RBFOX2: variants seen among roughly 807,000 people sequenced by gnomAD.
The protein encoded by RBFOX2 is RNA binding protein fox-1 homolog 2.
In RBFOX2, 10 loss-of-function variants were observed where a neutral mutation model predicts 49.1. The ratio of observed to expected loss-of-function variants is 0.20; its 90% CI spans 0.13 to 0.35. The LOEUF (loss-of-function observed/expected upper bound fraction) is 0.35. Among genes scored for constraint, RBFOX2 ranks in the 10% least tolerant of loss-of-function variants. The probability of loss-of-function intolerance (pLI) is 1.00; values close to 1 mark genes in which losing one functional copy is unlikely to be tolerated. For missense variants in RBFOX2, 323 were observed against 486.9 expected (o/e 0.66, Z 3.17); for synonymous variants, 183 against 187.4 (o/e 0.98, Z 0.19).
chr22:35,832,868 C>CT (rs1378907223), intron 1 of RBFOX2, among the ~76,000 whole-genome samples: 1 of 152,018 alleles, frequency 6.6e-6, no homozygotes, highest in Non-Finnish European at 1.5e-5. Context: ...AGAAGAAGTT[C>CT]TAATATTCAA....
intron 1 of RBFOX2, among the ~76,000 whole-genome samples, chr22:35,955,932 T>A (rs1310253172): frequency 6.6e-6 from 1 of 152,224 alleles, no homozygotes; most frequent in Non-Finnish European, 1.5e-5. Context: ...GGTATTTTAA[T>A]AGCCTTTTCG....
Position 35,817,021 on chromosome 22 carries a change from C to G in RBFOX2, c.28-7017G>C, listed in dbSNP as rs183701039. Among the ~76,000 whole-genome samples, 12 of 152,232 alleles carry G rather than the reference C, an allele frequency of 7.9e-5. No individual in the cohort carries two copies. In the East Asian group the frequency reaches 2.3e-3, roughly 29 times the overall value. On this transcript the variant is annotated intron_variant, in intron 1 of 11. Coordinates refer to ENST00000405409, the Ensembl canonical transcript of RBFOX2. ...AGGATTCAGTGGGTTGGAACAGGAC[C>G]CTGGTACTTACTGGTGTAGATGGTT... is the stretch of plus-strand genomic sequence containing the variant.
chr22:35,946,514 C>T (rs1379489966), intron 1 of RBFOX2, among the ~76,000 whole-genome samples: 1 of 152,196 alleles, frequency 6.6e-6, no homozygotes, highest in African/African-American at 2.4e-5. Flanking sequence ...TCAGGTGACG[C>T]TTATCTGGCA....
chr22:36,023,710 C>T (rs922607907), intron 1 of RBFOX2, among the ~76,000 whole-genome samples: 3 of 152,180 alleles, frequency 2.0e-5, no homozygotes, highest in Non-Finnish European at 2.9e-5. Flanking sequence ...TCAAACTGTA[C>T]ATCAGCTTTC....
At chr22:35,982,111 C>T (rs2057484875) in intron 1 of RBFOX2, among the ~76,000 whole-genome samples, 1 of 152,130 alleles carries the variant, frequency 6.6e-6, no homozygotes, top group African/African-American at 2.4e-5. Flanking sequence ...TGGGCAAATT[C>T]CTTTCCATTC....
upstream of RBFOX2, among the ~76,000 whole-genome samples, chr22:35,964,114 T>TTATA (rs910569527): frequency 7.2e-5 from 11 of 152,154 alleles, no homozygotes; most frequent in African/African-American, 2.7e-4. Context: ...GTGACCATGG[T>TTATA]TATATACTCA....
At chr22:35,955,718 G>A (rs1240863687) in intron 1 of RBFOX2, among the ~76,000 whole-genome samples, 1 of 152,140 alleles carries the variant, frequency 6.6e-6, no homozygotes, top group African/African-American at 2.4e-5. Context: ...TGCTCAGGCA[G>A]TAGTGCTTGC....
chr22:35,761,848 C>T (rs1448527698), intron 6 of RBFOX2, among the ~76,000 whole-genome samples: 2 of 152,200 alleles, frequency 1.3e-5, no homozygotes, highest in African/African-American at 4.8e-5. Context: ...CTGAACCATG[C>T]TGTGATGCAT....
At chr22:35,981,790 C>T (rs916594540) in intron 1 of RBFOX2, among the ~76,000 whole-genome samples, 1 of 152,098 alleles carries the variant, frequency 6.6e-6, no homozygotes, top group Non-Finnish European at 1.5e-5. Context: ...TGAATTTGCA[C>T]ACACAAAATT....
At chr22:35,836,184 C>G (rs1957620463) in intron 1 of RBFOX2, 2 of 152,152 alleles carry the variant, frequency 1.3e-5, no homozygotes, top group African/African-American at 4.8e-5. Flanking sequence ...AGACTAAATG[C>G]TGAGAGGACC....
chr22:35,979,646 G>C (rs1603461457), intron 1 of RBFOX2, among the ~76,000 whole-genome samples: 1 of 152,158 alleles, frequency 6.6e-6, no homozygotes, highest in African/African-American at 2.4e-5. Context: ...CCAGGAGTTT[G>C]GGGTGTTTTG....
At chr22:35,993,700 G>A (rs1295598140) in intron 1 of RBFOX2, 1 of 152,118 alleles carries the variant, frequency 6.6e-6, no homozygotes, top group East Asian at 1.9e-4. Context: ...TAATAGGGAG[G>A]GTATGTTGTA....
intron 1 of RBFOX2, among the ~76,000 whole-genome samples, chr22:35,826,975 G>A (rs186267516): frequency 6.6e-6 from 1 of 152,286 alleles, no homozygotes; most frequent in Non-Finnish European, 1.5e-5. Context: ...TGTGGATGGG[G>A]GGATTACTTT....
At chr22:35,813,511 C>G (rs1416705681) in intron 1 of RBFOX2, among the ~76,000 whole-genome samples, 1 of 152,212 alleles carries the variant, frequency 6.6e-6, no homozygotes, top group East Asian at 1.9e-4. Flanking sequence ...GCTCTTTTCC[C>G]TAACCTAGCA....
intron 1 of RBFOX2, among the ~76,000 whole-genome samples, chr22:35,981,192 C>T (rs2057440617): frequency 6.6e-6 from 1 of 152,062 alleles, no homozygotes; most frequent in Non-Finnish European, 1.5e-5. Flanking sequence ...TGAGCAAGGT[C>T]CCACAACAAA....
intron 1 of RBFOX2, among the ~76,000 whole-genome samples, chr22:35,874,845 C>T (rs962173745): frequency 2.0e-5 from 3 of 152,162 alleles, no homozygotes; most frequent in Non-Finnish European, 2.9e-5. Flanking sequence ...TATGTTGAGG[C>T]CCTAACTCAC....
Position 35,750,535 on chromosome 22 carries a change from G to A in RBFOX2, c.888-3974C>T, listed in dbSNP as rs575671093. 340 of 1,123,566 alleles carry A rather than the reference G, an allele frequency of 3.0e-4. 2 individuals are homozygous for A. In the African/African-American group the frequency reaches 4.2e-3, roughly 14 times the overall value. The allele number at this position is 1,123,566 out of a possible 1,614,324, so 69.6% of individuals were successfully genotyped here. A position where few individuals can be genotyped will look rare whatever the true frequency, so the allele number is the denominator to read the frequency against. On this transcript the variant is annotated intron_variant, in intron 9 of 11. Transcript: ENST00000405409. ...CACCCTAATGTAGGAGGGCACACACGGACGGCTTTTTGGAACTCTGATAGC... is the reference window on the plus strand; with the variant it reads ...CACCCTAATGTAGGAGGGCACACACAGACGGCTTTTTGGAACTCTGATAGC...
At chr22:35,765,387 A>G in intron 6 of RBFOX2, 36 bp downstream of exon 7, 1 of 1,418,088 alleles carries the variant, frequency 7.1e-7, no homozygotes, top group Non-Finnish European at 9.8e-7. Context: ...TATTTACACA[A>G]GAATAAACAC....
intron 1 of RBFOX2, among the ~76,000 whole-genome samples, chr22:35,880,395 T>A (rs2149280077): frequency 6.6e-6 from 1 of 152,286 alleles, no homozygotes; most frequent in African/African-American, 2.4e-5. Context: ...GCTTTGGACA[T>A]GTCAAGTTTG....
Sources: allele counts gnomAD v4.1 joint callset (sites outside exome capture counted in the v4.1 genomes callset), GRCh38; gene constraint gnomAD v4.1.1; transcripts MANE v1.5; gene names NCBI Gene and HGNC (gene_info 2026-07-23, HGNC 2026-07-21).